Variants in TPD52L1 observed in about 807,000 individuals in gnomAD.
TPD52L1 encodes TPD52 like 1.
In TPD52L1, 18 loss-of-function variants were observed where a neutral mutation model predicts 28.7. That is an observed-to-expected ratio of 0.63 (90% CI 0.43 to 0.93). TPD52L1 has a LOEUF of 0.93. TPD52L1 is among the 40% of genes least tolerant of loss of function. The probability of loss-of-function intolerance (pLI) is 0.00; values close to 1 mark genes in which losing one functional copy is unlikely to be tolerated. For missense variants in TPD52L1, 203 were observed against 254.8 expected (o/e 0.80, Z 1.39); for synonymous variants, 75 against 88.8 (o/e 0.84, Z 0.88).
chr6:125,186,855 A>G (rs973850014), intron 1 of TPD52L1, among the ~76,000 whole-genome samples: 1 of 152,212 alleles, frequency 6.6e-6, no homozygotes, highest in Non-Finnish European at 1.5e-5. Flanking sequence ...CTATAACACA[A>G]TGTAAATATT....
intron 1 of TPD52L1, among the ~76,000 whole-genome samples, chr6:125,176,061 T>C (rs1407047): frequency 1.2e-4 from 18 of 152,218 alleles, no homozygotes; most frequent in Admixed American, 2.6e-4. Flanking sequence ...CCATGGACTC[T>C]TAAGCTTAAA....
chr6:125,223,355 G>A (rs906112975), intron 2 of TPD52L1, among the ~76,000 whole-genome samples: 6 of 152,112 alleles, frequency 3.9e-5, no homozygotes, highest in Admixed American at 1.3e-4. Context: ...GGTAGGAAAC[G>A]TAAACTAAGC....
intron 1 of TPD52L1, among the ~76,000 whole-genome samples, chr6:125,185,514 A>G (rs1180496779): frequency 1.3e-5 from 2 of 152,166 alleles, no homozygotes; most frequent in Non-Finnish European, 2.9e-5. Context: ...GGAAATTAAG[A>G]AACACACTTG....
intron 3 of TPD52L1, among the ~76,000 whole-genome samples, chr6:125,243,433 C>T (rs577639980): frequency 1.3e-5 from 2 of 152,060 alleles, no homozygotes; most frequent in African/African-American, 4.8e-5. Flanking sequence ...TCCTCAGAAA[C>T]AGCAATTATT....
intron 1 of TPD52L1, among the ~76,000 whole-genome samples, chr6:125,184,716 A>G (rs1792472284): frequency 6.6e-6 from 1 of 152,222 alleles, no homozygotes; most frequent in Non-Finnish European, 1.5e-5. Context: ...AGAATTGAAA[A>G]CAATGATGGA....
intron 1 of TPD52L1, among the ~76,000 whole-genome samples, chr6:125,185,894 ATT>A (rs536833440): frequency 3.1e-5 from 4 of 130,444 alleles, no homozygotes; most frequent in Non-Finnish European, 3.2e-5. Context: ...TGGAAATTTG[ATT>A]TTTTTTTTTT....
chr6:125,255,427 T>A (rs1297701860), intron 5 of TPD52L1, among the ~76,000 whole-genome samples: 1 of 152,222 alleles, frequency 6.6e-6, no homozygotes, highest in East Asian at 1.9e-4. Context: ...CATTTCATCA[T>A]GAAACAGCAT....
intron 1 of TPD52L1, among the ~76,000 whole-genome samples, chr6:125,181,294 C>T (rs966082515): frequency 5.3e-5 from 8 of 152,072 alleles, no homozygotes; most frequent in East Asian, 1.9e-4. Context: ...AAGATACTCA[C>T]GCAGAAGGAT....
chr6:125,186,738 A>G (rs1208820235), intron 1 of TPD52L1, among the ~76,000 whole-genome samples: 1 of 152,206 alleles, frequency 6.6e-6, no homozygotes, highest in Non-Finnish European at 1.5e-5. Flanking sequence ...GACACCACAT[A>G]GTTAGGGGCA....
chr6:125,154,550 CG>C (rs1355910078), intron 1 of TPD52L1: 1 of 912,452 alleles, frequency 1.1e-6, no homozygotes, highest in Non-Finnish European at 1.3e-6. Context: ...CCGGTTTCCG[CG>C]ATCGGGGAGC....
intron 3 of TPD52L1, among the ~76,000 whole-genome samples, chr6:125,238,225 A>G (rs1245202521): frequency 6.6e-6 from 1 of 152,222 alleles, no homozygotes; most frequent in South Asian, 2.1e-4. Context: ...TTCTTAGCAC[A>G]TGACATTTCA....
At position 125,263,461 on chromosome 6, in the gene TPD52L1, TGTTA is replaced by T. The variant is rs1798170311; in HGVS notation, c.*500_*503del. The T allele has an allele frequency of 6.6e-6, 1 of 152,402 alleles. No homozygotes were observed. Among genetic ancestry groups the T allele is most frequent in the Non-Finnish European group, 1.5e-5 (1 of 68,160 alleles). 9.4% of individuals were successfully genotyped at this position (152,402 alleles called of 1,614,324 possible). A position where few individuals can be genotyped will look rare whatever the true frequency, so the allele number is the denominator to read the frequency against. ...CTCTCTCACCTACATCAATTATGTATGTTAATTTCAGCAATTAAAAGAATTGATT... is the reference window on the plus strand; with the variant it reads ...CTCTCTCACCTACATCAATTATGTATATTTCAGCAATTAAAAGAATTGATT... On this transcript the variant is annotated 3_prime_UTR_variant, in exon 7 of 7. Transcript: ENST00000534000.
At position 125,253,730 on chromosome 6, in the gene TPD52L1, C is replaced by A; in HGVS notation, c.400C>A (p.His134Asn). ...KFGDMSYSIR[H>N]SISMPAMRNS... is the part of the protein sequence containing the mutation. Reference sequence around the variant, plus strand: ...TTTGCTCTGAAGTTACTCCATTCGCCATTCCATAAGTATGCCTGCTATGAG... The same window carrying A: ...TTTGCTCTGAAGTTACTCCATTCGCAATTCCATAAGTATGCCTGCTATGAG... Residue 134 changes from histidine to asparagine, a missense_variant, in exon 5 of 7, where the codon CAT (histidine) becomes AAT (asparagine). His to Asn is a moderately conservative substitution (Grantham distance 68, BLOSUM62 1). Transcript: ENST00000534000. 1 of 1,613,316 alleles carries A rather than the reference C, an allele frequency of 6.2e-7. No homozygotes were observed. The highest frequency in any genetic ancestry group is 1.7e-4 in the Middle Eastern group (1 of 6,040).
At chr6:125,173,153 G>T (rs1205259460) in intron 1 of TPD52L1, among the ~76,000 whole-genome samples, 1 of 152,040 alleles carries the variant, frequency 6.6e-6, no homozygotes, top group Non-Finnish European at 1.5e-5. Context: ...CTGTGTGTTT[G>T]TGTGTGTGTG....
intron 1 of TPD52L1, among the ~76,000 whole-genome samples, chr6:125,183,042 A>G (rs1026296802): frequency 1.3e-5 from 2 of 152,202 alleles, no homozygotes; most frequent in Admixed American, 6.5e-5. Flanking sequence ...TCTTTATACA[A>G]TAAGTAGGAA....
At chr6:125,156,232 G>A (rs552343950) in intron 1 of TPD52L1, among the ~76,000 whole-genome samples, 1 of 152,206 alleles carries the variant, frequency 6.6e-6, no homozygotes, top group Admixed American at 6.5e-5. Flanking sequence ...GGGAGGCCAA[G>A]GTAGGAGGAT....
rs560368038 is a variant in TPD52L1, at chr6:125,162,805, A to C, written c.19+8835A>C. 2.6e-5 allele frequency among the ~76,000 whole-genome samples: 4 copies of C among 152,354 alleles called. No homozygotes were observed. In the East Asian group the frequency reaches 7.7e-4, roughly 29 times the overall value. ...TTAAAGCAGGGCCTAGCACATGGTA[A>C]GTAGTATATAAATGTTTGCTGTTGC... On this transcript the variant is annotated intron_variant, in intron 1 of 6. Transcript: ENST00000534000.
chr6:125,196,744 C>T (rs993269633), intron 1 of TPD52L1, among the ~76,000 whole-genome samples: 2 of 152,216 alleles, frequency 1.3e-5, no homozygotes, highest in Non-Finnish European at 2.9e-5. Context: ...CTCTCCACCT[C>T]ACTCATCACC....
chr6:125,242,000 C>T (rs1050755819), intron 3 of TPD52L1, among the ~76,000 whole-genome samples: 2 of 151,592 alleles, frequency 1.3e-5, no homozygotes, highest in Admixed American at 1.3e-4. Flanking sequence ...TTGTTGTATC[C>T]CAGAGGTTTT....
Sources: allele counts gnomAD v4.1 joint callset (sites outside exome capture counted in the v4.1 genomes callset), GRCh38; gene constraint gnomAD v4.1.1; transcripts MANE v1.5; gene names NCBI Gene and HGNC (gene_info 2026-07-23, HGNC 2026-07-21).